The following FHIT variants were observed in gnomAD, a reference collection of about 807,000 sequenced individuals.
FHIT encodes bis(5'-adenosyl)-triphosphatase.
FHIT carries 19 observed loss-of-function variants against 17.9 expected under a neutral mutation model. The observed-to-expected ratio is 1.06, with a 90% CI of 0.74 to 1.56. The LOEUF (loss-of-function observed/expected upper bound fraction) is 1.56, where lower values mean the gene tolerates loss of function less well. Ranked by LOEUF, FHIT falls within the 40% of genes most tolerant of loss-of-function variation. The probability of loss-of-function intolerance (pLI) is 0.00; values close to 1 mark genes in which losing one functional copy is unlikely to be tolerated. For missense variants in FHIT, 248 were observed against 189.2 expected (o/e 1.31, Z -1.82); for synonymous variants, 81 against 69.7 (o/e 1.16, Z -0.81).
At chr3:61,100,149 T>C (rs960492972) in intron 2 of FHIT, among the ~76,000 whole-genome samples, 2 of 152,090 alleles carry the variant, frequency 1.3e-5, no homozygotes, top group Non-Finnish European at 2.9e-5. Context: ...CCATGTTGGT[T>C]TGCTGCACCC....
chr3:60,159,495 T>C (rs931433623), intron 5 of FHIT, among the ~76,000 whole-genome samples: 2 of 152,044 alleles, frequency 1.3e-5, no homozygotes, highest in African/African-American at 4.8e-5. Flanking sequence ...TTTCGTATGG[T>C]TTAAATTAAA....
chr3:60,271,998 T>C (rs1030844318), intron 5 of FHIT, among the ~76,000 whole-genome samples: 1 of 152,166 alleles, frequency 6.6e-6, no homozygotes, highest in Admixed American at 6.5e-5. Flanking sequence ...CAGAGACCTG[T>C]CCAAGATCAT....
At chr3:61,028,723 C>T (rs1385402120) in intron 3 of FHIT, among the ~76,000 whole-genome samples, 1 of 152,132 alleles carries the variant, frequency 6.6e-6, no homozygotes, top group African/African-American at 2.4e-5. Context: ...ACACTTACCC[C>T]AGTGCCCCAT....
At chr3:61,220,295 G>A (rs1343563063) in intron 1 of FHIT, among the ~76,000 whole-genome samples, 3 of 152,090 alleles carry the variant, frequency 2.0e-5, no homozygotes, top group Non-Finnish European at 2.9e-5. Flanking sequence ...CCAGGCAGTT[G>A]GAAAACACAG....
intron 3 of FHIT, among the ~76,000 whole-genome samples, chr3:60,892,525 T>C (rs1346533865): frequency 2.0e-5 from 3 of 152,218 alleles, no homozygotes; most frequent in Non-Finnish European, 4.4e-5. Flanking sequence ...ATTAGACGTC[T>C]ATAACTCCTG....
chr3:60,260,240 T>C (rs528154482), intron 5 of FHIT, among the ~76,000 whole-genome samples: 1 of 151,854 alleles, frequency 6.6e-6, no homozygotes, highest in South Asian at 2.1e-4. Flanking sequence ...CTTCAGGGTG[T>C]ACCAATTAAG....
At chr3:60,770,707 G>A (rs1700016911) in intron 4 of FHIT, among the ~76,000 whole-genome samples, 1 of 152,184 alleles carries the variant, frequency 6.6e-6, no homozygotes, top group South Asian at 2.1e-4. Flanking sequence ...CCAGTTCTAA[G>A]AAAATGTTCT....
chr3:60,491,812 GTTAT>G (rs1340451165), intron 5 of FHIT, among the ~76,000 whole-genome samples: 2 of 151,962 alleles, frequency 1.3e-5, no homozygotes, highest in African/African-American at 2.4e-5. Context: ...TCTTTATGTT[GTTAT>G]TTATTTCCTT....
intron 5 of FHIT, among the ~76,000 whole-genome samples, chr3:60,365,506 C>A (rs771711695): frequency 6.6e-6 from 1 of 152,096 alleles, no homozygotes; most frequent in Admixed American, 6.6e-5. Flanking sequence ...ACCTAAATAG[C>A]CTAATGACTC....
chr3:60,919,382 G>T (rs1429063048), intron 3 of FHIT, among the ~76,000 whole-genome samples: 1 of 148,254 alleles, frequency 6.7e-6, no homozygotes, highest in Admixed American at 6.8e-5. Flanking sequence ...AATTACAAAA[G>T]CACAATCACA....
intron 5 of FHIT, among the ~76,000 whole-genome samples, chr3:60,308,498 A>C (rs573507128): frequency 2.3e-4 from 3 of 13,212 alleles, no homozygotes; most frequent in Non-Finnish European, 5.0e-4. Flanking sequence ...GTGTATGTGT[A>C]TATATATATA....
At chr3:60,814,743 C>CG (rs1354937694) in intron 4 of FHIT, among the ~76,000 whole-genome samples, 4 of 152,188 alleles carry the variant, frequency 2.6e-5, no homozygotes, top group Admixed American at 1.3e-4. Context: ...ATTGCTGGAT[C>CG]GAATGGTAGT....
chr3:60,840,112 A>C (rs891602050), intron 3 of FHIT, among the ~76,000 whole-genome samples: 5 of 152,140 alleles, frequency 3.3e-5, no homozygotes, highest in Non-Finnish European at 5.9e-5. Context: ...GAAAGAAATG[A>C]CACATTTTTA....
At chr3:61,145,565 A>C (rs2037204482) in intron 2 of FHIT, among the ~76,000 whole-genome samples, 1 of 152,072 alleles carries the variant, frequency 6.6e-6, no homozygotes, top group Non-Finnish European at 1.5e-5. Flanking sequence ...AAATAAAAAA[A>C]CAGCTGGGAT....
intron 2 of FHIT, among the ~76,000 whole-genome samples, chr3:61,095,104 A>G (rs1434171468): frequency 6.6e-6 from 1 of 152,176 alleles, no homozygotes; most frequent in Non-Finnish European, 1.5e-5. Flanking sequence ...GCCTTCTCTA[A>G]CTACGTATGG....
At chr3:60,098,180 G>T (rs1704042820) in intron 5 of FHIT, among the ~76,000 whole-genome samples, 1 of 135,594 alleles carries the variant, frequency 7.4e-6, no homozygotes, top group African/African-American at 2.7e-5. Flanking sequence ...AAACATACGT[G>T]TGCATGTGTC....
At chr3:60,061,429 G>A (rs1441198308) in intron 5 of FHIT, among the ~76,000 whole-genome samples, 1 of 152,134 alleles carries the variant, frequency 6.6e-6, no homozygotes, top group Non-Finnish European at 1.5e-5. Flanking sequence ...ATGGATATCT[G>A]ACTAAGCTAG....
At chr3:60,910,964 T>C (rs1285553499) in intron 3 of FHIT, among the ~76,000 whole-genome samples, 2 of 152,190 alleles carry the variant, frequency 1.3e-5, no homozygotes, top group Non-Finnish European at 1.5e-5. Flanking sequence ...TTTTACCCAC[T>C]TACAAAGGGA....
intron 4 of FHIT, among the ~76,000 whole-genome samples, chr3:60,747,147 T>C (rs1343230634): frequency 1.3e-5 from 2 of 151,746 alleles, no homozygotes; most frequent in African/African-American, 4.8e-5. Flanking sequence ...AAAAATGCTC[T>C]ACTTCCCCTC....
Sources: gnomAD v4.1 joint callset for allele counts (sites outside exome capture counted in the v4.1 genomes callset) on GRCh38, gnomAD v4.1.1 for gene constraint, MANE v1.5 for transcripts, NCBI Gene and HGNC (gene_info 2026-07-23, HGNC 2026-07-21) for gene names.